Variants in HCN1 observed in about 807,000 individuals in gnomAD.
The protein encoded by HCN1 is hyperpolarization activated cyclic nucleotide gated potassium channel 1.
Under a neutral mutation model 78.9 loss-of-function variants are expected in HCN1, and 13 were observed. That is an observed-to-expected ratio of 0.16 (90% CI 0.11 to 0.26). HCN1 has a LOEUF of 0.26. Among genes scored for constraint, HCN1 ranks in the 10% least tolerant of loss-of-function variants. The probability of loss-of-function intolerance (pLI) is 1.00; values close to 1 mark genes in which losing one functional copy is unlikely to be tolerated. For synonymous variants in HCN1, 552 were observed against 455.5 expected (o/e 1.21, Z -2.70); for missense variants, 810 against 1,154.3 (o/e 0.70, Z 4.32).
chr5:45,677,388 C>A (rs1739584941), intron 1 of HCN1, among the ~76,000 whole-genome samples: 1 of 151,742 alleles, frequency 6.6e-6, no homozygotes, highest in African/African-American at 2.4e-5. Context: ...AAGGTGAAAA[C>A]TAAATGCAAA....
In HCN1 at chr5:45,343,869, A is replaced by AT. The variant is rs545924673; in HGVS notation, c.1377+9230_1377+9231insA. Among the ~76,000 whole-genome samples, 102 of 152,054 alleles carry AT rather than the reference A, an allele frequency of 6.7e-4. 1 individual carries two copies. The East Asian group carries it at 0.012, about 18-fold the overall frequency. On this transcript the variant is annotated intron_variant, in intron 5 of 7. Transcript: ENST00000303230. ...CCAAAAAAAAATTAAAAATAAAAAA[A>AT]ATATATATATTGGGAGAGATTCAGG...
intron 2 of HCN1, among the ~76,000 whole-genome samples, chr5:45,481,414 G>A (rs1431094885): frequency 1.3e-5 from 2 of 152,124 alleles, no homozygotes; most frequent in Non-Finnish European, 2.9e-5. Flanking sequence ...TTGGGCGATG[G>A]AAACTAAGAA....
chr5:45,446,296 A>C (rs1209303575), intron 3 of HCN1, among the ~76,000 whole-genome samples: 1 of 152,226 alleles, frequency 6.6e-6, no homozygotes, highest in East Asian at 1.9e-4. Flanking sequence ...GAGTGACGGA[A>C]GATCAAATGA....
intron 5 of HCN1, among the ~76,000 whole-genome samples, chr5:45,319,313 A>T (rs531245343): frequency 6.6e-6 from 1 of 152,082 alleles, no homozygotes; most frequent in South Asian, 2.1e-4. Flanking sequence ...TCATTCCATC[A>T]ACAGGTGATG....
At chr5:45,319,622 G>A (rs925254737) in intron 5 of HCN1, among the ~76,000 whole-genome samples, 2 of 150,824 alleles carry the variant, frequency 1.3e-5, no homozygotes, top group Non-Finnish European at 3.0e-5. Flanking sequence ...ATACCTTCTC[G>A]CCATCTGTGG....
rs1432727026 is a variant in HCN1 at position 45,351,445 on chromosome 5, C to A, written c.1377+1655G>T. ...ACCCTAGAAGAAAACCTAGACATTACCATTCAGGACATAGGCGTGGGCAAG... is the reference window on the plus strand; with the variant it reads ...ACCCTAGAAGAAAACCTAGACATTAACATTCAGGACATAGGCGTGGGCAAG... On this transcript the variant is annotated intron_variant, in intron 5 of 7. Transcript: ENST00000303230. Among the ~76,000 whole-genome samples, 3 of 111,956 alleles carry A rather than the reference C, an allele frequency of 2.7e-5. 1 individual carries two copies. Among genetic ancestry groups the A allele is most frequent in the Admixed American group, 9.0e-5 (1 of 11,166 alleles). 73.4% of individuals were successfully genotyped at this position (111,956 alleles called of 152,430 possible).
At chr5:45,289,081 T>C (rs1745322761) in intron 6 of HCN1, among the ~76,000 whole-genome samples, 1 of 152,042 alleles carries the variant, frequency 6.6e-6, no homozygotes, top group East Asian at 1.9e-4. Flanking sequence ...TTATACAATA[T>C]AACCTTAAGA....
rs754350670 is a variant in HCN1, at chr5:45,406,243, C to G, written c.1012-9533G>C. 3.3e-5 allele frequency among the ~76,000 whole-genome samples: 5 copies of G among 151,954 alleles called. No homozygotes were observed. In the East Asian group the frequency reaches 9.7e-4, roughly 29 times the overall value. ...GTAAATCAAATATTTCTATGGGGTA[C>G]CTCTTTGTTAACATAAATAAATATA... On this transcript the variant is annotated intron_variant, in intron 3 of 7. Coordinates refer to ENST00000303230, the MANE Select transcript of HCN1 (RefSeq NM_021072.4).
chr5:45,280,653 CTAA>C (rs1456471491), intron 6 of HCN1, among the ~76,000 whole-genome samples: 1 of 152,170 alleles, frequency 6.6e-6, no homozygotes, highest in African/African-American at 2.4e-5. Context: ...AAACTCTGCT[CTAA>C]TAATCCAAGG....
chr5:45,695,962 C>A lies in HCN1; in HGVS notation c.132G>T (p.Gly44=). The A allele has an allele frequency of 7.5e-7, 1 of 1,327,838 alleles. No individual in the cohort carries two copies. Among genetic ancestry groups the A allele is most frequent in the African/African-American group, 1.6e-5 (1 of 64,220 alleles). 82.3% of individuals were successfully genotyped at this position (1,327,838 alleles called of 1,614,324 possible). ...AAEKRLGTPP[G]GGGAGAKEHG... ...GCTCCTTCGCGCCGGCCCCGCCGCC[C>A]CCCGGCGGGGTGCCCAGGCGCTTCT... Residue 44 remains glycine (G), a synonymous_variant, in exon 1 of 8, where the codon GGG becomes GGT. Transcript: ENST00000303230.
chr5:45,668,335 A>G (rs765249624), intron 1 of HCN1, among the ~76,000 whole-genome samples: 84 of 151,854 alleles, frequency 5.5e-4, no homozygotes, highest in African/African-American at 1.7e-3. Context: ...TGTTCTCATA[A>G]TAGGAAGTTC....
At chr5:45,470,400 C>A (rs780381484) in intron 2 of HCN1, among the ~76,000 whole-genome samples, 2 of 151,674 alleles carry the variant, frequency 1.3e-5, no homozygotes, top group African/African-American at 2.4e-5. Context: ...TAGTGCAACC[C>A]CCCTAAAAAA....
intron 2 of HCN1, among the ~76,000 whole-genome samples, chr5:45,490,190 T>C (rs1302254746): frequency 6.6e-6 from 1 of 152,084 alleles, no homozygotes; most frequent in Non-Finnish European, 1.5e-5. Flanking sequence ...TGCAAGGAAA[T>C]TCACTATAAC....
intron 4 of HCN1, among the ~76,000 whole-genome samples, chr5:45,376,027 A>G (rs1241389611): frequency 1.7e-5 from 2 of 114,762 alleles, no homozygotes; most frequent in African/African-American, 7.1e-5. Flanking sequence ...TATACAATCT[A>G]TAATATAATA....
chr5:45,311,001 T>C lies in HCN1; in HGVS notation c.1378-7162A>G, dbSNP rs199621998. On this transcript the variant is annotated intron_variant, in intron 5 of 7. Coordinates refer to ENST00000303230, the MANE Select transcript of HCN1 (RefSeq NM_021072.4). ...ACATACAGAGAGGAACAACACATAC[T>C]GGGGCCTATCGGAGGGTGGAAGGAG... 1.7e-4 allele frequency among the ~76,000 whole-genome samples: 26 copies of C among 152,206 alleles called. No homozygotes were observed. In the East Asian group the frequency reaches 4.9e-3, roughly 28 times the overall value.
intron 4 of HCN1, among the ~76,000 whole-genome samples, chr5:45,375,004 A>G (rs940553148): frequency 6.5e-5 from 9 of 137,662 alleles, no homozygotes; most frequent in African/African-American, 2.4e-4. Flanking sequence ...CAGGATCACC[A>G]TTTGACTCTG....
intron 1 of HCN1, among the ~76,000 whole-genome samples, chr5:45,654,480 T>A (rs968515761): frequency 2.6e-5 from 4 of 152,176 alleles, no homozygotes; most frequent in Non-Finnish European, 4.4e-5. Context: ...TTCTAACTCT[T>A]GACAATTTAT....
chr5:45,527,769 G>T (rs931760024), intron 2 of HCN1, among the ~76,000 whole-genome samples: 2 of 151,970 alleles, frequency 1.3e-5, no homozygotes, highest in African/African-American at 2.4e-5. Flanking sequence ...CGAGGGGACT[G>T]AAGGCAGACA....
chr5:45,287,522 C>A (rs1745291744), intron 6 of HCN1, among the ~76,000 whole-genome samples: 1 of 151,984 alleles, frequency 6.6e-6, no homozygotes, highest in African/African-American at 2.4e-5. Flanking sequence ...CAATGCCTGG[C>A]ACATTAAGAA....
Sources: allele counts gnomAD v4.1 joint callset (sites outside exome capture counted in the v4.1 genomes callset), GRCh38; gene constraint gnomAD v4.1.1; transcripts MANE v1.5; gene names NCBI Gene and HGNC (gene_info 2026-07-23, HGNC 2026-07-21).